Variants in PTPRZ1 observed in about 807,000 individuals in gnomAD.
The protein encoded by PTPRZ1 is receptor-type tyrosine-protein phosphatase zeta.
A neutral mutation model predicts 214.1 loss-of-function variants in PTPRZ1; 82 were observed. The ratio of observed to expected loss-of-function variants is 0.38; its 90% CI spans 0.32 to 0.46. The LOEUF is 0.46. Among genes scored for constraint, PTPRZ1 ranks in the 20% least tolerant of loss-of-function variants. The probability of loss-of-function intolerance (pLI) is 1.00; values close to 1 mark genes in which losing one functional copy is unlikely to be tolerated. For synonymous variants in PTPRZ1, 945 were observed against 987.9 expected (o/e 0.96, Z 0.81); for missense variants, 2,603 against 2,748.7 (o/e 0.95, Z 1.19).
chr7:122,012,382 T>A lies in PTPRZ1; in HGVS notation c.3336T>A (p.Asp1112Glu). Residue 1112 changes from aspartate to glutamate, a missense_variant, in exon 12 of 30, where the codon GAT (aspartate) becomes GAA (glutamate). Physicochemically the swap from Asp to Glu is conservative, Grantham distance 45. This residue lies in a region of PTPRZ1 where 1,913 missense variants were observed against 1,914.3 expected (regional missense o/e 1.00). Coordinates refer to ENST00000393386, the MANE Select transcript of PTPRZ1 (RefSeq NM_002851.3). ...SLAHTTTKVFDHEISQVPENN... is the reference protein window; with the variant it reads ...SLAHTTTKVFEHEISQVPENN... ...CTCATACCACCACTAAGGTTTTTGA[T>A]CATGAGATTAGTCAAGTTCCAGAAA... 6.2e-7 allele frequency: 1 copy of A among 1,613,994 alleles called. No individual in the cohort carries two copies. Among genetic ancestry groups the A allele is most frequent in the African/African-American group, 1.3e-5 (1 of 75,046 alleles).
intron 3 of PTPRZ1, among the ~76,000 whole-genome samples, chr7:121,970,558 G>A (rs1171553839): frequency 9.2e-5 from 14 of 152,076 alleles, no homozygotes; most frequent in African/African-American, 3.4e-4. Flanking sequence ...GCCAGTGATG[G>A]TGAGCATTTT....
At chr7:121,947,689 A>G (rs1464923790) in intron 2 of PTPRZ1, among the ~76,000 whole-genome samples, 2 of 152,196 alleles carry the variant, frequency 1.3e-5, no homozygotes, top group African/African-American at 2.4e-5. Context: ...AAATAAATGG[A>G]AGCAGGATGT....
chr7:121,986,017 C>G (rs1168485296), intron 8 of PTPRZ1, among the ~76,000 whole-genome samples: 1 of 152,218 alleles, frequency 6.6e-6, no homozygotes, highest in African/African-American at 2.4e-5. Flanking sequence ...GCAAGTTATA[C>G]TTAATGGGTG....
intron 2 of PTPRZ1, among the ~76,000 whole-genome samples, chr7:121,948,219 G>T (rs979754590): frequency 7.2e-5 from 11 of 152,106 alleles, no homozygotes; most frequent in Non-Finnish European, 1.5e-4. Flanking sequence ...AACAGAACAG[G>T]TAAGTAAGTA....
Position 121,959,999 on chromosome 7 carries a change from C to G in PTPRZ1, c.125-7952C>G, listed in dbSNP as rs1322466131. Among the ~76,000 whole-genome samples, 7 of 152,278 alleles carry G rather than the reference C, an allele frequency of 4.6e-5. 1 individual carries two copies. The East Asian group carries it at 1.4e-3, about 29-fold the overall frequency. Reference sequence around the variant, plus strand: ...CTGTAGTCTTCACTTCAATATTACACTTATTTTGCCTTTTCAGAATATTTT... The same window carrying G: ...CTGTAGTCTTCACTTCAATATTACAGTTATTTTGCCTTTTCAGAATATTTT... On this transcript the variant is annotated intron_variant, in intron 2 of 29. Coordinates refer to ENST00000393386, the MANE Select transcript of PTPRZ1 (RefSeq NM_002851.3).
chr7:121,905,740 T>A (rs1471616532), intron 1 of PTPRZ1, among the ~76,000 whole-genome samples: 2 of 151,790 alleles, frequency 1.3e-5, no homozygotes, highest in African/African-American at 4.8e-5. Flanking sequence ...TAAATTCAAA[T>A]TTAGACCTGC....
chr7:121,936,068 G>T (rs1796078639), intron 2 of PTPRZ1, among the ~76,000 whole-genome samples: 1 of 152,154 alleles, frequency 6.6e-6, no homozygotes, highest in Non-Finnish European at 1.5e-5. Flanking sequence ...GTTGACCTGT[G>T]TTGCCCTCCA....
chr7:121,970,702 G>C (rs1020990227), intron 3 of PTPRZ1, among the ~76,000 whole-genome samples: 1 of 151,856 alleles, frequency 6.6e-6, no homozygotes, highest in African/African-American at 2.4e-5. Context: ...CTGGATATTA[G>C]CCCTTTGTCA....
intron 1 of PTPRZ1, among the ~76,000 whole-genome samples, chr7:121,889,001 A>G (rs918535700): frequency 6.6e-6 from 1 of 152,172 alleles, no homozygotes; most frequent in African/African-American, 2.4e-5. Context: ...ACACAATTAT[A>G]TAGGGAATGA....
chr7:122,037,038 T>A (rs1004495961), intron 18 of PTPRZ1, among the ~76,000 whole-genome samples: 4 of 150,924 alleles, frequency 2.7e-5, no homozygotes, highest in African/African-American at 9.8e-5. Flanking sequence ...TTTGGGAGGC[T>A]GAGGCAGGCG....
In PTPRZ1 at chr7:121,928,249, T is replaced by G. The variant is rs184515605; in HGVS notation, c.124+28T>G. 828 of 1,515,490 alleles carry G rather than the reference T, an allele frequency of 5.5e-4. 2 individuals carry two copies. The highest frequency in any genetic ancestry group is 6.7e-4 in the Non-Finnish European group (742 of 1,107,790). 93.9% of individuals were successfully genotyped at this position (1,515,490 alleles called of 1,614,324 possible). A position where few individuals can be genotyped will look rare whatever the true frequency, so the allele number is the denominator to read the frequency against. On this transcript the variant is annotated intron_variant, in intron 2 of 29. Coordinates refer to ENST00000393386, the MANE Select transcript of PTPRZ1 (RefSeq NM_002851.3). Reference sequence around the variant, plus strand: ...AAACATATTACTTATATAATGAGATTTAGCAGAAACTTTTATTGTTTTGTA... The same window carrying G: ...AAACATATTACTTATATAATGAGATGTAGCAGAAACTTTTATTGTTTTGTA...
At chr7:121,968,928 A>G (rs1797128904) in intron 3 of PTPRZ1, among the ~76,000 whole-genome samples, 1 of 152,188 alleles carries the variant, frequency 6.6e-6, no homozygotes, top group Non-Finnish European at 1.5e-5. Context: ...GAACATAATA[A>G]TTTAATTTCA....
At chr7:121,995,688 T>C (rs916600744) in intron 8 of PTPRZ1, among the ~76,000 whole-genome samples, 8 of 152,218 alleles carry the variant, frequency 5.3e-5, no homozygotes, top group African/African-American at 1.7e-4. Context: ...AAATGGGATT[T>C]TTGTCAGCAC....
At chr7:121,982,169 A>G (rs1330544196) in intron 6 of PTPRZ1, among the ~76,000 whole-genome samples, 2 of 152,138 alleles carry the variant, frequency 1.3e-5, no homozygotes, top group South Asian at 2.1e-4. Context: ...TCCACATTCC[A>G]TAATAATTTT....
rs1283366828 is a variant in PTPRZ1 at position 122,011,201 on chromosome 7, T to A, written c.2155T>A (p.Phe719Ile). Residue 719 changes from phenylalanine (F) to isoleucine (I), a missense_variant, in exon 12 of 30, where the codon TTC (phenylalanine) becomes ATC (isoleucine). Phe to Ile is a conservative substitution (Grantham distance 21). This residue lies in a region of PTPRZ1 where 1,913 missense variants were observed against 1,914.3 expected (regional missense o/e 1.00). Transcript: ENST00000393386. ...EMPHYSTFAY[F>I]PTEVTPHAFT... ...GCCACATTATTCTACCTTTGCCTAC[T>A]TCCCAACTGAGGTAACACCTCATGC... is the stretch of plus-strand genomic sequence containing the variant. 3.7e-6 allele frequency: 6 copies of A among 1,614,086 alleles called. No individual in the cohort carries two copies. The highest frequency in any genetic ancestry group is 1.1e-5 in the South Asian group (1 of 91,076).
chr7:122,043,730 G>A (rs950549901), intron 22 of PTPRZ1, among the ~76,000 whole-genome samples: 1 of 152,064 alleles, frequency 6.6e-6, no homozygotes, highest in Non-Finnish European at 1.5e-5. Context: ...ACATAGAGGG[G>A]AACAACACAC....
At chr7:122,057,919 T>A (rs1360087358) in intron 27 of PTPRZ1, among the ~76,000 whole-genome samples, 4 of 151,380 alleles carry the variant, frequency 2.6e-5, no homozygotes, top group African/African-American at 9.7e-5. Context: ...TATTTATGAA[T>A]TAGCAATATC....
chr7:121,930,038 C>G (rs1370101334), intron 2 of PTPRZ1, among the ~76,000 whole-genome samples: 3 of 151,484 alleles, frequency 2.0e-5, no homozygotes, highest in Non-Finnish European at 4.4e-5. Context: ...TTTTTTATTA[C>G]CACTGAAGTC....
At chr7:121,896,921 G>C (rs930011386) in intron 1 of PTPRZ1, among the ~76,000 whole-genome samples, 50 of 152,026 alleles carry the variant, frequency 3.3e-4, no homozygotes, top group African/African-American at 1.1e-3. Flanking sequence ...ATTTTTCATT[G>C]CTCCGTGCTT....
Sources: gnomAD v4.1 joint callset for allele counts (sites outside exome capture counted in the v4.1 genomes callset) on GRCh38, gnomAD v4.1.1 for gene constraint, gnomAD v4.1.1 regional missense constraint, MANE v1.5 for transcripts, NCBI Gene and HGNC (gene_info 2026-07-23, HGNC 2026-07-21) for gene names.